Variants in TET3 observed in about 807,000 individuals in gnomAD.
The protein encoded by TET3 is tet methylcytosine dioxygenase 3.
TET3 carries 19 observed loss-of-function variants against 141.4 expected under a neutral mutation model. That is an observed-to-expected ratio of 0.13 (90% CI 0.09 to 0.20). The LOEUF (loss-of-function observed/expected upper bound fraction) is 0.20. TET3 is among the 10% of genes least tolerant of loss of function. The pLI, the probability that TET3 is intolerant of heterozygous loss-of-function variation, is 1.00. For missense variants in TET3, 1,874 were observed against 2,356.9 expected (o/e 0.80, Z 4.24); for synonymous variants, 1,043 against 980.9 (o/e 1.06, Z -1.18).
At chr2:73,985,483 C>T (rs1208391441) in intron 1 of TET3, among the ~76,000 whole-genome samples, 4 of 144,916 alleles carry the variant, frequency 2.8e-5, no homozygotes, top group Admixed American at 1.4e-4. Flanking sequence ...GCGGGCCGCC[C>T]TCCCCAGTCG....
At chr2:74,124,268 G>A in the TET3 span, among the ~76,000 whole-genome samples, 1 of 148,668 alleles carries the variant, frequency 6.7e-6, no homozygotes, top group Non-Finnish European at 1.5e-5. Flanking sequence ...GGAGGTGGGG[G>A]GTCAGCCCCC....
chr2:73,994,638 C>CTTTCT (rs1553412093), intron 2 of TET3, among the ~76,000 whole-genome samples: 1,269 of 96,708 alleles, frequency 0.013, 21 homozygotes, highest in African/African-American at 0.07. Flanking sequence ...TTCTTTCTTT[C>CTTTCT]TTTTTTTTTT....
chr2:74,115,259 CA>C, the TET3 span, among the ~76,000 whole-genome samples: 1 of 151,894 alleles, frequency 6.6e-6, no homozygotes, highest in South Asian at 2.1e-4. Flanking sequence ...ATCTCAACAG[CA>C]AAAAAACGAA....
At chr2:74,029,633 C>CT (rs1686562844) in intron 3 of TET3, among the ~76,000 whole-genome samples, 1 of 152,204 alleles carries the variant, frequency 6.6e-6, no homozygotes, top group Non-Finnish European at 1.5e-5. Flanking sequence ...AAACTATAGT[C>CT]ATCTTTAGGC....
At chr2:74,068,594 C>T (rs974969670) in intron 4 of TET3, among the ~76,000 whole-genome samples, 1 of 152,186 alleles carries the variant, frequency 6.6e-6, no homozygotes, top group Non-Finnish European at 1.5e-5. Flanking sequence ...TTTACATATA[C>T]AATTATAACC....
chr2:74,079,747 C>T (rs1408596333), intron 5 of TET3, among the ~76,000 whole-genome samples: 1 of 152,188 alleles, frequency 6.6e-6, no homozygotes, highest in African/African-American at 2.4e-5. Flanking sequence ...GGCACTCACA[C>T]CCAAGTCTGT....
chr2:74,056,230 C>T (rs918465561), intron 4 of TET3, among the ~76,000 whole-genome samples: 1 of 152,172 alleles, frequency 6.6e-6, no homozygotes, highest in Non-Finnish European at 1.5e-5. Flanking sequence ...ATGCCTTAGT[C>T]TGTGTGTAGA....
chr2:74,016,825 C>T (rs982924981), intron 3 of TET3, among the ~76,000 whole-genome samples: 8 of 140,410 alleles, frequency 5.7e-5, no homozygotes, highest in African/African-American at 8.4e-5. Context: ...ATTTAATTGA[C>T]ACATAATTAT....
At chr2:74,099,719 CTTAA>C (rs1311433801) in intron 11 of TET3, 107 bp downstream of exon 11, 20 of 1,193,194 alleles carry the variant, frequency 1.7e-5, no homozygotes, top group Non-Finnish European at 2.1e-5. Context: ...GGGGCCTCTG[CTTAA>C]TTGTCAGTCA....
chr2:74,026,379 A>G (rs1346952962), intron 3 of TET3, among the ~76,000 whole-genome samples: 7 of 152,120 alleles, frequency 4.6e-5, no homozygotes, highest in Non-Finnish European at 7.4e-5. Context: ...CCCCACCCCA[A>G]AACTTTGAGG....
chr2:74,061,652 C>T (rs1404456605), intron 4 of TET3, among the ~76,000 whole-genome samples: 3 of 150,218 alleles, frequency 2.0e-5, no homozygotes, highest in African/African-American at 7.4e-5. Context: ...ACGCTCCTCA[C>T]TTCCCAGACG....
At chr2:74,084,929 G>A (rs967242282) in intron 6 of TET3, among the ~76,000 whole-genome samples, 8 of 151,634 alleles carry the variant, frequency 5.3e-5, no homozygotes, top group African/African-American at 1.7e-4. Flanking sequence ...AGCAAGACTC[G>A]GTCTCAAAAA....
intron 3 of TET3, among the ~76,000 whole-genome samples, chr2:74,010,803 A>G (rs1345603641): frequency 6.6e-6 from 1 of 152,256 alleles, no homozygotes; most frequent in Non-Finnish European, 1.5e-5. Flanking sequence ...AAGTGAAGAC[A>G]GACATGTCAG....
At chr2:73,985,381 G>C (rs1683962190) in intron 1 of TET3, among the ~76,000 whole-genome samples, 1 of 144,570 alleles carries the variant, frequency 6.9e-6, no homozygotes, top group Non-Finnish European at 1.5e-5. Flanking sequence ...GCGGAGTGGC[G>C]GAGGCCCCAG....
chr2:74,133,324 C>T, the TET3 span, among the ~76,000 whole-genome samples: 11 of 152,206 alleles, frequency 7.2e-5, no homozygotes, highest in African/African-American at 2.7e-4. Flanking sequence ...TAACCCCAAA[C>T]ACTGGCTTAA....
At chr2:74,070,826 T>A (rs1239462319) in intron 4 of TET3, among the ~76,000 whole-genome samples, 1 of 151,786 alleles carries the variant, frequency 6.6e-6, no homozygotes, top group Non-Finnish European at 1.5e-5. Context: ...AATAGAAAAA[T>A]TTGCCAGGCA....
intron 3 of TET3, among the ~76,000 whole-genome samples, chr2:74,044,619 G>C (rs1312568328): frequency 6.6e-6 from 1 of 152,246 alleles, no homozygotes. Context: ...TGGTGATGGC[G>C]TGGTTGACCA....
rs1278151304 is a variant in TET3 at position 74,000,736 on chromosome 2, AC to A, written c.304-2372del. ...AGGACCTAGATTTGAATTCTAGCCC[AC>A]CACTCACCAGCTGTGTTGACAGGCA... On this transcript the variant is annotated intron_variant, in intron 2 of 11. Transcript: ENST00000409262. 2.0e-5 allele frequency among the ~76,000 whole-genome samples: 3 copies of A among 152,188 alleles called. No individual in the cohort carries two copies. In the East Asian group the frequency reaches 5.8e-4, roughly 29 times the overall value.
Position 74,062,141 on chromosome 2 carries a change from G to A in TET3, c.2495-11408G>A, listed in dbSNP as rs547756986. 2.9e-3 allele frequency among the ~76,000 whole-genome samples: 437 copies of A among 152,362 alleles called. 3 individuals are homozygous for A. Among genetic ancestry groups the A allele is most frequent in the African/African-American group, 0.01 (417 of 41,588 alleles). ...TCCAGCCTGGGCACCATTGAGCACT[G>A]AGTGAACCAGACTCCGTCTGCAATC... On this transcript the variant is annotated intron_variant, in intron 4 of 11. Coordinates refer to ENST00000409262, the MANE Select transcript of TET3 (RefSeq NM_001287491.2).
Sources: allele counts gnomAD v4.1 joint callset (sites outside exome capture counted in the v4.1 genomes callset), GRCh38; gene constraint gnomAD v4.1.1; transcripts MANE v1.5; gene names NCBI Gene and HGNC (gene_info 2026-07-23, HGNC 2026-07-21).